KCP: variants seen among roughly 807,000 people sequenced by gnomAD.
The protein encoded by KCP is kielin/chordin-like protein.
In KCP, 194 loss-of-function variants were observed where a neutral mutation model predicts 212.7. The observed-to-expected ratio is 0.91, with a 90% CI of 0.81 to 1.03. The LOEUF is 1.03. Among genes scored for constraint, KCP ranks in the 50% least tolerant of loss-of-function variants. The pLI is 0.00. For missense variants in KCP, 2,080 were observed against 2,162.5 expected, an observed-to-expected ratio of 0.96 and a Z score of 0.76; for synonymous variants, 833 against 865.3, an observed-to-expected ratio of 0.96 and a Z score of 0.65.
intron 26 of KCP, 70 bp downstream of exon 26, chr7:128,886,394 G>A: frequency 7.8e-7 from 1 of 1,285,628 alleles, no homozygotes; most frequent in Non-Finnish European, 1.1e-6. Flanking sequence ...TGAGGGGAGG[G>A]AGGTGGGGTG....
rs3734971 is a variant in KCP, at chr7:128,891,018, T to A, written c.2051A>T (p.Asp684Val). 234,754 of 1,342,174 alleles carry A rather than the reference T, an allele frequency of 0.17. 23,304 individuals carry two copies. Among genetic ancestry groups the A allele is most frequent in the East Asian group, 0.5 (15,963 of 32,168 alleles). The allele number at this position is 1,342,174 out of a possible 1,614,324, so 83.1% of individuals were successfully genotyped here. A position where few individuals can be genotyped will look rare whatever the true frequency, so the allele number is the denominator to read the frequency against. The change falls in exon 20 of 40, where the codon GAT becomes GTT. Residue 684 changes from aspartate to valine, a missense_variant. Asp to Val is a radical substitution (Grantham distance 152). Coordinates refer to ENST00000610776, the MANE Select transcript of KCP (RefSeq NM_001366122.1). Reference protein sequence around the residue: ...RHQEYFSPPGDPCRRCLCLDG... With the variant: ...RHQEYFSPPGVPCRRCLCLDG... ...GAGGCAGAGGCAGCGGCGGCAGGGA[T>A]CGCCGGGCGGGGAGAAGTACTCCTG...
intron 8 of KCP, among the ~76,000 whole-genome samples, chr7:128,895,809 T>C (rs1794484005): frequency 6.6e-6 from 1 of 152,228 alleles, no homozygotes; most frequent in African/African-American, 2.4e-5. Flanking sequence ...GAAGTTACCC[T>C]ATGTGGTCTA....
intron 38 of KCP, 80 bp from the exon 39 acceptor site, chr7:128,877,870 C>T: frequency 1.5e-6 from 2 of 1,291,120 alleles, no homozygotes; most frequent in South Asian, 1.5e-5. Flanking sequence ...AAGCACTTCC[C>T]ACCCAGTCAT....
chr7:128,888,246 TCA>T (rs759484149), intron 22 of KCP, among the ~76,000 whole-genome samples: 37 of 89,056 alleles, frequency 4.2e-4, no homozygotes, highest in Non-Finnish European at 7.8e-4. Flanking sequence ...ACACATACGG[TCA>T]CACACACACG....
chr7:128,908,243 GAAAGAAA>G (rs1193171717), intron 2 of KCP, among the ~76,000 whole-genome samples, 176 bp downstream of exon 2: 1 of 87,894 alleles, frequency 1.1e-5, no homozygotes, highest in East Asian at 6.4e-4. Context: ...AAGAAAGGAA[GAAAGAAA>G]GAAGAAAGAA....
chr7:128,888,652 CCA>C (rs1041678636), intron 22 of KCP, among the ~76,000 whole-genome samples: 124 of 148,816 alleles, frequency 8.3e-4, no homozygotes, highest in African/African-American at 3.0e-3. Context: ...ACATACACAG[CCA>C]CACACACACA....
rs1793681525 is a variant in KCP, at chr7:128,886,859, T to C, written c.2689+17A>G. 6.7e-7 allele frequency: 1 copy of C among 1,483,592 alleles called. No homozygotes were observed. Among genetic ancestry groups the C allele is most frequent in the East Asian group, 2.5e-5 (1 of 40,268 alleles). 91.9% of individuals were successfully genotyped at this position (1,483,592 alleles called of 1,614,324 possible). On this transcript the variant is annotated intron_variant, in intron 24 of 39. Transcript: ENST00000610776. ...CGGGGAAGGGCATGGGGGCCGCGCA[T>C]GAGGAAGGCAGCTCACTGTGGCAAA... is the stretch of plus-strand genomic sequence containing the variant.
intron 38 of KCP, 148 bp from the exon 39 acceptor site, chr7:128,877,938 C>CT: frequency 2.7e-6 from 2 of 736,144 alleles, no homozygotes. Flanking sequence ...TGTCTACCTT[C>CT]TTTTTGTCCC....
chr7:128,899,702 T>C (rs1343358638), intron 8 of KCP, among the ~76,000 whole-genome samples: 1 of 152,192 alleles, frequency 6.6e-6, no homozygotes, highest in African/African-American at 2.4e-5. Context: ...TGGAAACTAT[T>C]TGTGAGTATT....
chr7:128,877,386 C>A, intron 39 of KCP, 75 bp from the exon 40 acceptor site: 1 of 1,525,484 alleles, frequency 6.6e-7, no homozygotes, highest in Non-Finnish European at 8.8e-7. Flanking sequence ...CCCTGCGAGA[C>A]TCGCCATACC....
intron 5 of KCP, 81 bp downstream of exon 5, chr7:128,906,198 A>G: frequency 3.3e-6 from 4 of 1,215,982 alleles, no homozygotes; most frequent in Non-Finnish European, 4.7e-6. Context: ...GGCATGTCCC[A>G]GACTCACTGA....
In KCP at chr7:128,891,605, C is replaced by A. The variant is rs750528797; in HGVS notation, c.1795+41G>T. On this transcript the variant is annotated intron_variant, in intron 17 of 39. Transcript: ENST00000610776. ...GGCGTGCTGCCTTCCGGGGGCCATG[C>A]CATCCCATCCCAGAAGGCCGCCCTG... 6 of 1,506,648 alleles carry A rather than the reference C, an allele frequency of 4.0e-6. No individual in the cohort carries two copies. In the South Asian group the frequency reaches 6.5e-5, roughly 16 times the overall value. The allele number at this position is 1,506,648 out of a possible 1,614,324, so 93.3% of individuals were successfully genotyped here.
At position 128,887,202 on chromosome 7, in the gene KCP, G is replaced by C. The variant is rs1181470299; in HGVS notation, c.2598+13C>G. 2 of 1,550,986 alleles carry C rather than the reference G, an allele frequency of 1.3e-6. No homozygotes were observed. Among genetic ancestry groups the C allele is most frequent in the Non-Finnish European group, 1.7e-6 (2 of 1,146,386 alleles). On this transcript the variant is annotated intron_variant, in intron 23 of 39. Transcript: ENST00000610776. ...GAGGAAAGGTTACCAAGGTCCTAAA[G>C]GGGCTGCCTCACCTGGCAGGTGCAG...
chr7:128,892,409 A>T, intron 16 of KCP, 105 bp downstream of exon 16: 1 of 826,132 alleles, frequency 1.2e-6, no homozygotes, highest in Non-Finnish European at 1.9e-6. Context: ...GACTGAAACA[A>T]TTCAGAAGGC....
intron 13 of KCP, 74 bp downstream of exon 13, chr7:128,893,164 G>C (rs1794284905): frequency 7.0e-7 from 1 of 1,424,790 alleles, no homozygotes; most frequent in South Asian, 1.2e-5. Flanking sequence ...CCCCGTCCTG[G>C]GAAGGAGCAC....
intron 19 of KCP, 36 bp downstream of exon 19, chr7:128,891,149 C>T (rs1794096758): frequency 6.5e-7 from 1 of 1,538,686 alleles, no homozygotes; most frequent in South Asian, 1.2e-5. Context: ...CCGAGGGGAC[C>T]CCCAGGGAGG....
In KCP at chr7:128,907,108, C is replaced by G; in HGVS notation, c.479G>C (p.Arg160Pro). The G allele has an allele frequency of 6.4e-7, 1 of 1,551,158 alleles. No individual in the cohort carries two copies. The highest frequency in any genetic ancestry group is 1.2e-5 in the South Asian group (1 of 83,984). ...TAGGTCCTGGGAGCTTACCAGACAG[C>G]GGCAGGTGGTGCAGGCATCTGGGGA... ...TFSPDACTTC[R>P]CLEGTITCNQ... Residue 160 changes from arginine (R) to proline (P), a missense_variant, in exon 4 of 40, where the codon CGC becomes CCC. Physicochemically the swap from Arg to Pro is moderately radical, Grantham distance 103 (BLOSUM62 -2). Transcript: ENST00000610776.
intron 4 of KCP, 55 bp from the exon 5 acceptor site, chr7:128,906,418 C>T: frequency 1.6e-6 from 2 of 1,272,828 alleles, no homozygotes; most frequent in Non-Finnish European, 2.2e-6. Context: ...GAGGGCAGGG[C>T]CTCTGGAAGT....
At chr7:128,892,437 C>A (rs1794214827) in intron 16 of KCP, 77 bp downstream of exon 16, 2 of 1,054,392 alleles carry the variant, frequency 1.9e-6, no homozygotes, top group Non-Finnish European at 2.7e-6. Context: ...TTCTAAGGTA[C>A]CTGTTGGGCC....
Sources: allele counts gnomAD v4.1 joint callset (sites outside exome capture counted in the v4.1 genomes callset), GRCh38; gene constraint gnomAD v4.1.1; transcripts MANE v1.5; gene names NCBI Gene and HGNC (gene_info 2026-07-23, HGNC 2026-07-21).